GAK: variants seen among roughly 807,000 people sequenced by gnomAD.
The protein encoded by GAK is cyclin-G-associated kinase.
A neutral mutation model predicts 143.9 loss-of-function variants in GAK; 79 were observed. The ratio of observed to expected loss-of-function variants is 0.55; its 90% CI spans 0.46 to 0.66. GAK has a LOEUF of 0.66. Among genes scored for constraint, GAK ranks in the 30% least tolerant of loss-of-function variants. The pLI, the probability that GAK is intolerant of heterozygous loss-of-function variation, is 0.00. For synonymous variants in GAK, 881 were observed against 765.5 expected (o/e 1.15, Z -2.49); for missense variants, 1,693 against 1,779.7 (o/e 0.95, Z 0.88).
At chr4:905,265 G>T (rs770814342) in intron 4 of GAK, among the ~76,000 whole-genome samples, 1 of 152,160 alleles carries the variant, frequency 6.6e-6, no homozygotes, top group Non-Finnish European at 1.5e-5. Flanking sequence ...TCCCGCTTTC[G>T]TTCTTTTGTT....
chr4:902,843 C>G (rs73792041), intron 5 of GAK, among the ~76,000 whole-genome samples: 20,163 of 152,188 alleles, frequency 0.13, 1,691 homozygotes, highest in African/African-American at 0.23. Flanking sequence ...ACCAAACACA[C>G]AAGCCAGTGG....
chr4:868,544 C>G lies in GAK; in HGVS notation c.2390G>C (p.Trp797Ser). Residue 797 changes from tryptophan to serine, a missense_variant, in exon 20 of 28, where the codon TGG becomes TCG. By Grantham distance (177) the Trp-to-Ser change is radical. Around this residue, in one of 2 missense-constraint regions of GAK, gnomAD observed 822 missense variants for 788.7 expected, o/e 1.04. Coordinates refer to ENST00000314167, the MANE Select transcript of GAK (RefSeq NM_005255.4). ...GGTCCAGGGACGCTGCCTACCCTGC[C>G]AGTCCAGCGTGTGCAGGAAGCGACT... ...DASRFLHTLD[W>S]QEEKEAETGA... The G allele has an allele frequency of 6.2e-7, 1 of 1,606,678 alleles. No individual in the cohort carries two copies. Among genetic ancestry groups the G allele is most frequent in the Non-Finnish European group, 8.5e-7 (1 of 1,178,562 alleles).
intron 5 of GAK, among the ~76,000 whole-genome samples, chr4:901,575 T>C (rs975311053): frequency 2.0e-4 from 31 of 152,288 alleles, no homozygotes; most frequent in African/African-American, 7.2e-4. Context: ...AGCTCCCACC[T>C]CAGGTCACAC....
intron 1 of GAK, among the ~76,000 whole-genome samples, chr4:931,404 T>C (rs1164476381): frequency 9.3e-5 from 14 of 151,326 alleles, no homozygotes; most frequent in Admixed American, 9.2e-4. Context: ...CACAGCCCAG[T>C]CTACCCTCGG....
At chr4:866,682 A>G in intron 21 of GAK, 148 bp from the exon 22 acceptor site, 2 of 857,746 alleles carry the variant, frequency 2.3e-6, no homozygotes, top group Middle Eastern at 3.6e-4. Context: ...TGAGGCAGTC[A>G]GCCCAGGGGC....
At chr4:881,037 T>A (rs1386336121) in intron 15 of GAK, among the ~76,000 whole-genome samples, 1 of 151,856 alleles carries the variant, frequency 6.6e-6, no homozygotes, top group Non-Finnish European at 1.5e-5. Flanking sequence ...AATGATCTCC[T>A]CCCCCCAAGG....
At chr4:912,613 G>A (rs928963479) in intron 3 of GAK, 122 bp downstream of exon 3, 19 of 727,126 alleles carry the variant, frequency 2.6e-5, no homozygotes, top group African/African-American at 1.9e-4. Flanking sequence ...GCAAAAAGCC[G>A]ATTTTAACAC....
chr4:890,566 AG>A lies in GAK; in HGVS notation c.1046del (p.Pro349LeufsTer71). On this transcript the variant is annotated frameshift_variant, in exon 10 of 28. Coordinates refer to ENST00000314167, the MANE Select transcript of GAK (RefSeq NM_005255.4). LOFTEE classifies it high-confidence loss of function. ...AGCCACTGCCAGCGGGGCCCACGGG[AG>A]GGGGTGGCCCTCGGGACAGTGTGGC... ...GSATLSRGPP[P>X]PVGPAGSGYS... 1 of 1,611,134 alleles carries A rather than the reference AG, an allele frequency of 6.2e-7. No homozygotes were observed. The highest frequency in any genetic ancestry group is 8.5e-7 in the Non-Finnish European group (1 of 1,179,210).
intron 7 of GAK, chr4:894,876 G>A (rs935999395): frequency 1.1e-4 from 17 of 152,286 alleles, no homozygotes; most frequent in African/African-American, 4.1e-4. Flanking sequence ...AGCTACTCAG[G>A]AGGCTGAGGC....
At chr4:856,546 C>CCTGCTCACCACCACAG (rs1393692109) in intron 24 of GAK, among the ~76,000 whole-genome samples, 1 of 121,390 alleles carries the variant, frequency 8.2e-6, no homozygotes, top group South Asian at 2.8e-4. Flanking sequence ...GCTGCTCACA[C>CCTGCTCACCACCACAG]CTGCTCACCA....
intron 15 of GAK, among the ~76,000 whole-genome samples, 189 bp downstream of exon 15, chr4:881,718 G>A (rs895095454): frequency 6.6e-5 from 10 of 152,254 alleles, no homozygotes; most frequent in Non-Finnish European, 1.5e-4. Context: ...CCGCGGCTGA[G>A]GGCCCATCCT....
chr4:863,791 G>A (rs566437205), intron 23 of GAK, among the ~76,000 whole-genome samples: 4 of 152,318 alleles, frequency 2.6e-5, no homozygotes, highest in East Asian at 1.9e-4. Context: ...TTGGGAGGCC[G>A]AGGCGGGTGG....
intron 1 of GAK, among the ~76,000 whole-genome samples, chr4:924,683 G>A (rs983543141): frequency 6.6e-6 from 1 of 152,190 alleles, no homozygotes; most frequent in East Asian, 1.9e-4. Context: ...GGAGGTGACC[G>A]GATTATGGGG....
chr4:894,375 C>A (rs1407874232), intron 7 of GAK: 2 of 181,808 alleles, frequency 1.1e-5, no homozygotes, highest in Admixed American at 6.3e-5. Flanking sequence ...CCGTGGGGAG[C>A]GCAGGGGTGA....
chr4:884,221 G>A (rs1715781051), intron 11 of GAK, 135 bp from the exon 12 acceptor site: 2 of 709,054 alleles, frequency 2.8e-6, no homozygotes, highest in Non-Finnish European at 4.9e-6. Flanking sequence ...GGAGGAACGT[G>A]TGTGTGCACA....
chr4:868,404 G>A (rs1024557587), intron 20 of GAK, 135 bp downstream of exon 20: 1 of 735,900 alleles, frequency 1.4e-6, no homozygotes, highest in Non-Finnish European at 2.2e-6. Flanking sequence ...CTGACATGCC[G>A]GGTGCACAGC....
intron 26 of GAK, chr4:850,357 T>C: frequency 2.8e-6 from 1 of 355,674 alleles, no homozygotes; most frequent in Non-Finnish European, 5.1e-6. Flanking sequence ...GTGCAACCCC[T>C]TGGCCCATCC....
At chr4:910,176 C>T (rs975717991) in intron 4 of GAK, among the ~76,000 whole-genome samples, 3 of 152,180 alleles carry the variant, frequency 2.0e-5, no homozygotes, top group Admixed American at 2.0e-4. Context: ...CCCTGCCCAA[C>T]AGGGCACTGA....
chr4:885,254 G>A (rs1716066160), intron 11 of GAK, among the ~76,000 whole-genome samples: 1 of 152,174 alleles, frequency 6.6e-6, no homozygotes, highest in African/African-American at 2.4e-5. Flanking sequence ...CATGGCTACT[G>A]GACCTATAAT....
Sources: gnomAD v4.1 joint callset for allele counts (sites outside exome capture counted in the v4.1 genomes callset) on GRCh38, gnomAD v4.1.1 for gene constraint, gnomAD v4.1.1 regional missense constraint, MANE v1.5 for transcripts, NCBI Gene and HGNC (gene_info 2026-07-23, HGNC 2026-07-21) for gene names.